Variants in SUSD4 observed in about 807,000 individuals in gnomAD.
SUSD4 encodes the protein sushi domain-containing protein 4.
SUSD4 carries 41 observed loss-of-function variants against 50.5 expected under a neutral mutation model. That is an observed-to-expected ratio of 0.81 (90% CI 0.63 to 1.05). SUSD4 has a LOEUF of 1.05. SUSD4 is among the 50% of genes least tolerant of loss of function. The pLI is 0.00. For synonymous variants in SUSD4, 257 were observed against 257.3 expected, an observed-to-expected ratio of 1.00 and a Z score of 0.01; for missense variants, 580 against 634.7, an observed-to-expected ratio of 0.91 and a Z score of 0.93.
chr1:223,339,772 C>T (rs1008089387), intron 2 of SUSD4, among the ~76,000 whole-genome samples: 15 of 152,240 alleles, frequency 9.9e-5, no homozygotes, highest in African/African-American at 3.4e-4. Flanking sequence ...ACTCAACAAG[C>T]TTCATGTGTA....
chr1:223,236,763 G>A, intron 5 of SUSD4, among the ~76,000 whole-genome samples: 1 of 152,020 alleles, frequency 6.6e-6, no homozygotes, highest in Non-Finnish European at 1.5e-5. Context: ...GTAGCATTAT[G>A]ATAAGTCTTG....
chr1:223,221,981 G>T lies in SUSD4; in HGVS notation c.*211C>A. The T allele has an allele frequency of 1.8e-6, 1 of 545,282 alleles. No individual in the cohort carries two copies. The highest frequency in any genetic ancestry group is 3.2e-6 in the Non-Finnish European group (1 of 311,046). The allele number at this position is 545,282 out of a possible 1,614,324, so 33.8% of individuals were successfully genotyped here. A position where few individuals can be genotyped will look rare whatever the true frequency, so the allele number is the denominator to read the frequency against. On this transcript the variant is annotated 3_prime_UTR_variant, in exon 9 of 9. Transcript: ENST00000366878. The stretch of plus-strand genomic sequence containing the variant: ...TCCCTGCTGCCCCGGTTCCCCATGG[G>T]TCTTGGTGAATCCTCAAATCTCATT...
intron 2 of SUSD4, among the ~76,000 whole-genome samples, chr1:223,343,232 G>A (rs886795071): frequency 3.9e-5 from 6 of 151,946 alleles, no homozygotes; most frequent in Non-Finnish European, 7.4e-5. Flanking sequence ...ACCTCTCCAC[G>A]CAAAGCTAAC....
chr1:223,227,508 T>C lies in SUSD4; in HGVS notation c.1061+86A>G. ...CTGTTTCCCTTTAGAGCTTCAACTT[T>C]TCACTCATCACTTTCTCCCTCTGCT... On this transcript the variant is annotated intron_variant, in intron 7 of 8. Coordinates refer to ENST00000366878, the MANE Select transcript of SUSD4 (RefSeq NM_017982.4). The surrounding 1 kb of genome is among the most constrained non-coding windows in gnomAD (Gnocchi z 4.5). 1.3e-6 allele frequency: 2 copies of C among 1,525,836 alleles called. No individual in the cohort carries two copies. The highest frequency in any genetic ancestry group is 1.4e-5 in the African/African-American group (1 of 73,418). 94.5% of individuals were successfully genotyped at this position (1,525,836 alleles called of 1,614,324 possible). A position where few individuals can be genotyped will look rare whatever the true frequency, so the allele number is the denominator to read the frequency against.
chr1:223,228,149 T>C (rs1026292537), intron 6 of SUSD4, among the ~76,000 whole-genome samples: 1 of 151,842 alleles, frequency 6.6e-6, no homozygotes, highest in Non-Finnish European at 1.5e-5. Flanking sequence ...TGCTGTGGGG[T>C]TGGGTAAAGC....
chr1:223,224,016 C>A lies in SUSD4; in HGVS notation c.1062-385G>T, dbSNP rs577738384. 2.6e-5 allele frequency among the ~76,000 whole-genome samples: 4 copies of A among 152,316 alleles called. No individual in the cohort carries two copies. The East Asian group carries it at 7.7e-4, about 29-fold the overall frequency. ...CAGCCCAGTGCACCTCTGAAGTGTC[C>A]TGTAGGATGGGATTGAAAGTGGGAT... On this transcript the variant is annotated intron_variant, in intron 7 of 8. Coordinates refer to ENST00000366878, the MANE Select transcript of SUSD4 (RefSeq NM_017982.4).
rs138649502 is a variant in SUSD4 at position 223,229,057 on chromosome 1, C to T, written c.916+140G>A. ...GAGCCCAACAGCAGCCCCATCGACCCGCAATGATATGTTTCGATATCCTGT... is the reference window on the plus strand; with the variant it reads ...GAGCCCAACAGCAGCCCCATCGACCTGCAATGATATGTTTCGATATCCTGT... On this transcript the variant is annotated intron_variant, in intron 6 of 8. Coordinates refer to ENST00000366878, the MANE Select transcript of SUSD4 (RefSeq NM_017982.4). The surrounding 1 kb of genome is among the most constrained non-coding windows in gnomAD (Gnocchi z 4.7). 6,701 of 876,240 alleles carry T rather than the reference C, an allele frequency of 7.6e-3. 40 individuals carry two copies. The highest frequency in any genetic ancestry group is 0.01 in the Non-Finnish European group (6,033 of 581,026). The allele number at this position is 876,240 out of a possible 1,614,324, so 54.3% of individuals were successfully genotyped here.
rs185232211 is a variant in SUSD4, at chr1:223,234,706, C to T, written c.725-5318G>A. ...ATCATAGCCTCATGGCTTCACCCGA[C>T]GGACACCACACACCAGGATTTGTGT... is the stretch of plus-strand genomic sequence containing the variant. On this transcript the variant is annotated intron_variant, in intron 5 of 8. Transcript: ENST00000366878. Among the ~76,000 whole-genome samples the T allele has an allele frequency of 5.3e-5, 8 of 152,278 alleles. No homozygotes were observed. In the East Asian group the frequency reaches 9.6e-4, roughly 18 times the overall value.
At chr1:223,352,568 GC>G (rs1247795831) in intron 2 of SUSD4, among the ~76,000 whole-genome samples, 1 of 152,114 alleles carries the variant, frequency 6.6e-6, no homozygotes, top group East Asian at 1.9e-4. Context: ...CTCTTGGCAG[GC>G]TATCAGGCTG....
rs1272910784 is a variant in SUSD4 at position 223,350,938 on chromosome 1, T to C, written c.148+12340A>G. ...AAAAAAAAGATAAATCGGTTGTGGA[T>C]CCTAGCTTTAAGGAGCTTTTATAAC... On this transcript the variant is annotated intron_variant, in intron 2 of 8. Transcript: ENST00000366878. Among the ~76,000 whole-genome samples, 3 of 152,232 alleles carry C rather than the reference T, an allele frequency of 2.0e-5. No homozygotes were observed. In the South Asian group the frequency reaches 6.2e-4, roughly 32 times the overall value.
chr1:223,302,441 CTG>C (rs1665256783), intron 2 of SUSD4, among the ~76,000 whole-genome samples: 1 of 152,220 alleles, frequency 6.6e-6, no homozygotes, highest in Admixed American at 6.5e-5. Context: ...ATCAGCACAA[CTG>C]TACTTCAGGC....
intron 2 of SUSD4, among the ~76,000 whole-genome samples, chr1:223,330,012 A>AGTC (rs1667092095): frequency 6.6e-6 from 1 of 152,186 alleles, no homozygotes; most frequent in South Asian, 2.1e-4. Flanking sequence ...GTGGATGGAC[A>AGTC]GGTGGATGAA....
chr1:223,235,007 G>C (rs878898338), intron 5 of SUSD4: 1 of 1,610,640 alleles, frequency 6.2e-7, no homozygotes, highest in African/African-American at 1.3e-5. Context: ...TGGGGTGGGA[G>C]AGGACTTTAA....
intron 3 of SUSD4, among the ~76,000 whole-genome samples, chr1:223,279,094 A>C (rs529157096): frequency 5.9e-5 from 9 of 152,306 alleles, no homozygotes; most frequent in Admixed American, 5.2e-4. Flanking sequence ...TCAAAGACCA[A>C]AGGTAGATAA....
intron 5 of SUSD4, among the ~76,000 whole-genome samples, chr1:223,262,435 G>T (rs558340683): frequency 4.9e-4 from 74 of 152,244 alleles, no homozygotes; most frequent in Admixed American, 1.2e-3. Context: ...CTATGAAAAG[G>T]GTCGATTCCT....
chr1:223,317,511 C>G (rs907468637), intron 2 of SUSD4, among the ~76,000 whole-genome samples: 3 of 152,066 alleles, frequency 2.0e-5, no homozygotes, highest in Non-Finnish European at 4.4e-5. Context: ...TTTTGGGGTC[C>G]GGATTGGGAC....
chr1:223,317,834 C>CTTT (rs1235672082), intron 2 of SUSD4, among the ~76,000 whole-genome samples: 69 of 80,122 alleles, frequency 8.6e-4, no homozygotes, highest in Middle Eastern at 7.8e-3. Context: ...GCTTGCCCTT[C>CTTT]TTTTTTTTTT....
At chr1:223,326,988 C>T in intron 2 of SUSD4, among the ~76,000 whole-genome samples, 1 of 152,208 alleles carries the variant, frequency 6.6e-6, no homozygotes, top group Non-Finnish European at 1.5e-5. Context: ...AATCCCACTA[C>T]TGGGCATCTA....
chr1:223,324,658 C>T (rs1004522197), intron 2 of SUSD4, among the ~76,000 whole-genome samples: 1 of 150,966 alleles, frequency 6.6e-6, no homozygotes, highest in Non-Finnish European at 1.5e-5. Context: ...CCATGTGACC[C>T]TTCATGGATA....
Sources: gnomAD v4.1 joint callset for allele counts (sites outside exome capture counted in the v4.1 genomes callset) on GRCh38, gnomAD v4.1.1 for gene constraint, Gnocchi (gnomAD v3.1) non-coding constraint, MANE v1.5 for transcripts, NCBI Gene and HGNC (gene_info 2026-07-23, HGNC 2026-07-21) for gene names.